Variants in CEP128 observed in about 807,000 individuals in gnomAD.
The protein encoded by CEP128 is centrosomal protein 128, also known as centrosomal protein 128kDa.
Under a neutral mutation model 156.7 loss-of-function variants are expected in CEP128, and 132 were observed. The observed-to-expected ratio is 0.84, with a 90% CI of 0.73 to 0.97. CEP128 has a LOEUF of 0.97. Ranked by LOEUF, CEP128 falls within the 50% of genes least tolerant of loss-of-function variation. CEP128 has a pLI of 0.00. For missense variants in CEP128, 1,252 were observed against 1,281.9 expected (o/e 0.98, Z 0.36); for synonymous variants, 469 against 448.9 (o/e 1.04, Z -0.57).
intron 13 of CEP128, among the ~76,000 whole-genome samples, chr14:80,803,469 CAG>C (rs1883995204): frequency 6.6e-6 from 1 of 151,464 alleles, no homozygotes; most frequent in Non-Finnish European, 1.5e-5. Context: ...GAGACAGAAA[CAG>C]AGGTGGAGGA....
intron 18 of CEP128, among the ~76,000 whole-genome samples, chr14:80,746,400 G>T (rs1037216923): frequency 6.6e-6 from 1 of 152,136 alleles, no homozygotes; most frequent in Non-Finnish European, 1.5e-5. Context: ...TATACAGACC[G>T]ATGGAACAGA....
At chr14:80,747,988 G>A (rs1395366760) in intron 18 of CEP128, among the ~76,000 whole-genome samples, 1 of 152,128 alleles carries the variant, frequency 6.6e-6, no homozygotes, top group Non-Finnish European at 1.5e-5. Context: ...AGCATTAAAT[G>A]GTGCATTCTA....
chr14:80,958,032 G>A (rs1886796381), intron 2 of CEP128: 1 of 152,196 alleles, frequency 6.6e-6, no homozygotes, highest in Admixed American at 6.5e-5. Flanking sequence ...CAAAATGGTA[G>A]TCTCCTTTGA....
At chr14:80,632,474 C>T (rs1166613597) in intron 19 of CEP128, among the ~76,000 whole-genome samples, 1 of 148,290 alleles carries the variant, frequency 6.7e-6, no homozygotes, top group African/African-American at 2.5e-5. Context: ...ATGATATATA[C>T]TATACATTCT....
chr14:80,817,124 T>C (rs564778072), intron 13 of CEP128, among the ~76,000 whole-genome samples: 21 of 152,024 alleles, frequency 1.4e-4, no homozygotes, highest in African/African-American at 4.1e-4. Flanking sequence ...CAGACAGCAA[T>C]AGAGACTACA....
At chr14:80,790,033 T>G (rs1378944622) in intron 14 of CEP128, among the ~76,000 whole-genome samples, 1 of 152,076 alleles carries the variant, frequency 6.6e-6, no homozygotes, top group Admixed American at 6.6e-5. Flanking sequence ...CCTTCTTACT[T>G]TCAACCATTC....
At chr14:80,845,920 A>G (rs1308346431) in intron 9 of CEP128, among the ~76,000 whole-genome samples, 1 of 152,202 alleles carries the variant, frequency 6.6e-6, no homozygotes, top group Non-Finnish European at 1.5e-5. Flanking sequence ...ACTCTTCAAG[A>G]AAAGCGTAAC....
At chr14:80,596,524 A>G (rs1437273882) in intron 19 of CEP128, among the ~76,000 whole-genome samples, 1 of 152,134 alleles carries the variant, frequency 6.6e-6, no homozygotes, top group East Asian at 1.9e-4. Flanking sequence ...TAAAAATGAA[A>G]ACAGCTAGGC....
chr14:80,854,432 A>G (rs947596867), intron 9 of CEP128, among the ~76,000 whole-genome samples: 3 of 152,188 alleles, frequency 2.0e-5, no homozygotes, highest in Non-Finnish European at 4.4e-5. Flanking sequence ...CATGACCAAA[A>G]AGTCCCCATA....
intron 2 of CEP128, among the ~76,000 whole-genome samples, chr14:80,937,900 A>ATT (rs11453759): frequency 1.5e-3 from 214 of 147,256 alleles, no homozygotes; most frequent in East Asian, 3.8e-3. Context: ...AATCCTAAGA[A>ATT]TTTTTTTTTT....
chr14:80,609,761 A>C (rs555608762), intron 19 of CEP128, among the ~76,000 whole-genome samples: 17 of 152,322 alleles, frequency 1.1e-4, no homozygotes, highest in African/African-American at 2.9e-4. Context: ...AAAGAATGCA[A>C]TAAGAAGGAA....
chr14:80,515,292 G>A lies in CEP128; in HGVS notation c.3073-10272C>T, dbSNP rs1039029019. 5.9e-5 allele frequency among the ~76,000 whole-genome samples: 9 copies of A among 152,236 alleles called. No homozygotes were observed. In the South Asian group the frequency reaches 1.0e-3, roughly 18 times the overall value. On this transcript the variant is annotated intron_variant, in intron 23 of 24. Transcript: ENST00000555265. ...CCTTTCCTTCAGAGTGGTGAGCTCTGCCCCAGCCCAGGGCAGATCCAGAAA... is the reference window on the plus strand; with the variant it reads ...CCTTTCCTTCAGAGTGGTGAGCTCTACCCCAGCCCAGGGCAGATCCAGAAA...
intron 19 of CEP128, among the ~76,000 whole-genome samples, chr14:80,587,032 G>A (rs879872750): frequency 6.0e-5 from 9 of 149,922 alleles, no homozygotes; most frequent in East Asian, 5.9e-4. Context: ...CATTATATAC[G>A]TATTAGCTCT....
chr14:80,590,308 C>G (rs1475918169), intron 19 of CEP128, among the ~76,000 whole-genome samples: 1 of 152,044 alleles, frequency 6.6e-6, no homozygotes, highest in Non-Finnish European at 1.5e-5. Flanking sequence ...GAAGATGCTT[C>G]ATAGAGTTCT....
At chr14:80,916,331 C>CCACTGACTGAAACTATTAAGCAGCTCAA in intron 3 of CEP128, 70 bp downstream of exon 3, 1 of 1,242,042 alleles carries the variant, frequency 8.1e-7, no homozygotes, top group Non-Finnish European at 1.2e-6. Flanking sequence ...GAAAACTAAT[C>CCACTGACTGAAACTATTAAGCAGCTCAA]CACTGACTGA....
intron 23 of CEP128, among the ~76,000 whole-genome samples, chr14:80,525,858 A>C (rs1179725752): frequency 6.6e-6 from 1 of 152,204 alleles, no homozygotes; most frequent in African/African-American, 2.4e-5. Context: ...TGAGCATTCT[A>C]TCCAATTACA....
At chr14:80,944,009 A>G (rs939021248), upstream of CEP128, among the ~76,000 whole-genome samples, 6 of 150,466 alleles carry the variant, frequency 4.0e-5, no homozygotes, top group African/African-American at 9.8e-5. Context: ...AAAAAAAAAA[A>G]GTAGTGAAGT....
intron 21 of CEP128, among the ~76,000 whole-genome samples, chr14:80,536,887 A>T (rs1340921417): frequency 6.6e-6 from 1 of 151,958 alleles, no homozygotes; most frequent in Non-Finnish European, 1.5e-5. Flanking sequence ...GCCCACTTAG[A>T]AGTGTTTACA....
rs548993811 is a variant in CEP128, at chr14:80,742,850, C to T, written c.2806+225G>A. 2.2e-5 allele frequency: 11 copies of T among 503,054 alleles called. No individual in the cohort carries two copies. In the Admixed American group the frequency reaches 3.6e-4, roughly 17 times the overall value. The allele number at this position is 503,054 out of a possible 1,614,324, so 31.2% of individuals were successfully genotyped here. On this transcript the variant is annotated intron_variant, in intron 19 of 24. Coordinates refer to ENST00000555265, the MANE Select transcript of CEP128 (RefSeq NM_152446.5). The stretch of plus-strand genomic sequence containing the variant: ...TGTCTTATCAATTAATTCCTGCACA[C>T]AGCCAGTAAATGCAGTTATCATATA...
Sources: gnomAD v4.1 joint callset for allele counts (sites outside exome capture counted in the v4.1 genomes callset) on GRCh38, gnomAD v4.1.1 for gene constraint, MANE v1.5 for transcripts, NCBI Gene and HGNC (gene_info 2026-07-23, HGNC 2026-07-21) for gene names.